KCNH1: variants seen among roughly 807,000 people sequenced by gnomAD.
The protein encoded by KCNH1 is voltage-gated delayed rectifier potassium channel KCNH1.
A neutral mutation model predicts 69.2 loss-of-function variants in KCNH1; 27 were observed. The observed-to-expected ratio is 0.39, with a 90% CI of 0.29 to 0.54. The LOEUF is 0.54. Among genes scored for constraint, KCNH1 ranks in the 20% least tolerant of loss-of-function variants. KCNH1 has a pLI of 0.68. For missense variants in KCNH1, 798 were observed against 1,261.6 expected (o/e 0.63, Z 5.57); for synonymous variants, 456 against 487.7 (o/e 0.93, Z 0.86).
intron 6 of KCNH1, among the ~76,000 whole-genome samples, chr1:211,010,133 A>C (rs1689366977): frequency 6.6e-6 from 1 of 152,128 alleles, no homozygotes; most frequent in Non-Finnish European, 1.5e-5. Flanking sequence ...ACATTCAGGG[A>C]CTAGGGCACA....
At chr1:211,071,928 G>GA (rs1282564954) in intron 5 of KCNH1, among the ~76,000 whole-genome samples, 9 of 150,656 alleles carry the variant, frequency 6.0e-5, no homozygotes, top group South Asian at 2.1e-4. Flanking sequence ...GAGTTGGGAG[G>GA]AAAAAAAAAC....
At chr1:210,968,614 G>T (rs1377292576) in intron 6 of KCNH1, among the ~76,000 whole-genome samples, 1 of 151,338 alleles carries the variant, frequency 6.6e-6, no homozygotes, top group Admixed American at 6.6e-5. Flanking sequence ...TTCTCTGATG[G>T]CCAGTGATGA....
chr1:210,845,738 G>A (rs1370888263), intron 7 of KCNH1, among the ~76,000 whole-genome samples: 1 of 152,034 alleles, frequency 6.6e-6, no homozygotes, highest in Non-Finnish European at 1.5e-5. Context: ...GGGCAATCAG[G>A]CAGGAGAAGG....
chr1:210,819,226 A>G (rs1193090626), intron 7 of KCNH1, among the ~76,000 whole-genome samples: 1 of 152,202 alleles, frequency 6.6e-6, no homozygotes, highest in African/African-American at 2.4e-5. Flanking sequence ...TTGAGAGGAA[A>G]TAATCATAGG....
intron 4 of KCNH1, among the ~76,000 whole-genome samples, chr1:211,089,658 G>T (rs1691017665): frequency 6.6e-6 from 1 of 152,136 alleles, no homozygotes; most frequent in Admixed American, 6.5e-5. Flanking sequence ...ACTCTCCCCT[G>T]GACTCCACTC....
At chr1:210,998,299 A>C (rs1453819703) in intron 6 of KCNH1, among the ~76,000 whole-genome samples, 1 of 152,230 alleles carries the variant, frequency 6.6e-6, no homozygotes, top group Non-Finnish European at 1.5e-5. Context: ...TAGGCTCAAA[A>C]TAAAGGGATG....
chr1:210,982,443 C>T (rs1216016733), intron 6 of KCNH1, among the ~76,000 whole-genome samples: 6 of 151,934 alleles, frequency 3.9e-5, no homozygotes, highest in Admixed American at 1.3e-4. Flanking sequence ...CACCAGTCCC[C>T]GGTATGTGAT....
chr1:211,128,120 A>G (rs540346819), intron 1 of KCNH1, among the ~76,000 whole-genome samples: 4 of 151,886 alleles, frequency 2.6e-5, no homozygotes, highest in South Asian at 4.1e-4. Flanking sequence ...GAAACCCTGT[A>G]TCTACTAAAA....
At position 210,741,421 on chromosome 1, in the gene KCNH1, T is replaced by C. The variant is rs1683028793; in HGVS notation, c.2112+33927A>G. ...CATTCCTCCGTGGCAGTCTTGTTCC[T>C]CAGTCCTTCTGCTTATATGGGTGGG... On this transcript the variant is annotated intron_variant, in intron 10 of 10. Transcript: ENST00000271751. Among the ~76,000 whole-genome samples the C allele has an allele frequency of 2.6e-5, 4 of 152,098 alleles. 1 individual carries two copies. In the South Asian group the frequency reaches 8.3e-4, roughly 32 times the overall value.
chr1:210,819,152 A>C (rs1261755267), intron 7 of KCNH1, among the ~76,000 whole-genome samples: 3 of 152,224 alleles, frequency 2.0e-5, no homozygotes, highest in African/African-American at 7.2e-5. Flanking sequence ...GATTTAAAAA[A>C]AAATAGGAGG....
At chr1:210,714,935 A>G (rs563024214) in intron 10 of KCNH1, among the ~76,000 whole-genome samples, 1 of 152,144 alleles carries the variant, frequency 6.6e-6, no homozygotes, top group Non-Finnish European at 1.5e-5. Context: ...AGAGATGTAC[A>G]CTATCTCCTC....
intron 7 of KCNH1, among the ~76,000 whole-genome samples, chr1:210,868,248 C>T (rs9701252): frequency 0.16 from 24,027 of 151,710 alleles, 2,396 homozygotes; most frequent in East Asian, 0.43. Context: ...TTCATGTGTG[C>T]GTGTAAAGTG....
chr1:210,911,556 A>AT (rs1288924838), intron 7 of KCNH1, among the ~76,000 whole-genome samples: 1 of 148,444 alleles, frequency 6.7e-6, no homozygotes, highest in Non-Finnish European at 1.5e-5. Context: ...TTAAAGTATA[A>AT]TAAAAAAAAA....
chr1:211,101,305 CA>C (rs921069390), intron 3 of KCNH1, among the ~76,000 whole-genome samples: 15 of 139,354 alleles, frequency 1.1e-4, no homozygotes, highest in South Asian at 4.7e-4. Flanking sequence ...ATTGGAAAGA[CA>C]AAAAAACCAT....
chr1:211,045,957 T>G (rs1690089081), intron 5 of KCNH1, among the ~76,000 whole-genome samples: 1 of 152,208 alleles, frequency 6.6e-6, no homozygotes, highest in African/African-American at 2.4e-5. Context: ...GCGTCTGGCT[T>G]ATTTCACTTA....
intron 1 of KCNH1, among the ~76,000 whole-genome samples, chr1:211,124,734 GT>G (rs1375429390): frequency 1.3e-5 from 2 of 152,224 alleles, no homozygotes; most frequent in South Asian, 2.1e-4. Context: ...TTTGAGGAAT[GT>G]TTAATAAAGG....
chr1:211,095,702 G>A (rs1691135511), intron 3 of KCNH1, among the ~76,000 whole-genome samples: 2 of 152,182 alleles, frequency 1.3e-5, no homozygotes, highest in Admixed American at 1.3e-4. Flanking sequence ...TGGCTTTTGG[G>A]AAGGGTTGAC....
intron 7 of KCNH1, among the ~76,000 whole-genome samples, chr1:210,805,713 C>T (rs1011939605): frequency 3.3e-5 from 5 of 152,098 alleles, no homozygotes; most frequent in Non-Finnish European, 5.9e-5. Flanking sequence ...TATATTCCTC[C>T]GAAAATAAAC....
intron 5 of KCNH1, among the ~76,000 whole-genome samples, chr1:211,048,453 AT>A (rs1281679011): frequency 1.3e-5 from 2 of 152,190 alleles, no homozygotes; most frequent in African/African-American, 4.8e-5. Context: ...CAGTCAACAA[AT>A]GGATAAAGAA....
Sources: gnomAD v4.1 joint callset for allele counts (sites outside exome capture counted in the v4.1 genomes callset) on GRCh38, gnomAD v4.1.1 for gene constraint, MANE v1.5 for transcripts, NCBI Gene and HGNC (gene_info 2026-07-23, HGNC 2026-07-21) for gene names.